FAM20C: variants seen among roughly 807,000 people sequenced by gnomAD.
FAM20C encodes the protein FAM20C golgi associated secretory pathway kinase, also known as extracellular serine/threonine protein kinase FAM20C.
FAM20C carries 40 observed loss-of-function variants against 51.5 expected under a neutral mutation model. The observed-to-expected ratio is 0.78, with a 90% CI of 0.60 to 1.01. The LOEUF (loss-of-function observed/expected upper bound fraction) is 1.01, where lower values mean the gene tolerates loss of function less well. Ranked by LOEUF, FAM20C falls within the 50% of genes least tolerant of loss-of-function variation. The probability of loss-of-function intolerance (pLI) is 0.00; values close to 1 mark genes in which losing one functional copy is unlikely to be tolerated. For missense variants in FAM20C, 861 were observed against 844.7 expected (o/e 1.02, Z -0.24); for synonymous variants, 406 against 380.6 (o/e 1.07, Z -0.78).
chr7:257,763 CAGGG>C (rs1788644738), intron 8 of FAM20C, among the ~76,000 whole-genome samples: 2 of 145,386 alleles, frequency 1.4e-5, no homozygotes, highest in Admixed American at 6.8e-5. Context: ...TGGAGATGGG[CAGGG>C]TGGACCCACT....
At chr7:234,633 G>C (rs1408257501) in intron 3 of FAM20C, among the ~76,000 whole-genome samples, 1 of 152,182 alleles carries the variant, frequency 6.6e-6, no homozygotes, top group Non-Finnish European at 1.5e-5. Context: ...GGCATCCCCG[G>C]GCCCTGTGTC....
intron 3 of FAM20C, among the ~76,000 whole-genome samples, chr7:231,846 C>A (rs1216612382): frequency 6.6e-6 from 1 of 152,098 alleles, no homozygotes; most frequent in Non-Finnish European, 1.5e-5. Context: ...GGTGTTTGAC[C>A]CACCCCTCTT....
rs1785610688 is a variant in FAM20C, at chr7:192,637, C to T, written c.-563C>T. 6.7e-6 allele frequency among the ~76,000 whole-genome samples: 1 copy of T among 150,038 alleles called. No homozygotes were observed. Among genetic ancestry groups the T allele is most frequent in the Non-Finnish European group, 1.5e-5 (1 of 67,120 alleles). Reference sequence around the variant, plus strand: ...TGCACCTGCCCGGGACCCCGCCGGCCGCTCCCCGCGCCCACCCCTTCCGCC... The same window carrying T: ...TGCACCTGCCCGGGACCCCGCCGGCTGCTCCCCGCGCCCACCCCTTCCGCC... On this transcript the variant is annotated 5_prime_UTR_variant, in exon 1 of 10. Transcript: ENST00000313766.
At chr7:258,992 C>T (rs147023663) in intron 9 of FAM20C, among the ~76,000 whole-genome samples, 9 of 152,374 alleles carry the variant, frequency 5.9e-5, no homozygotes, top group Admixed American at 1.3e-4. Flanking sequence ...CCAGGGCAGA[C>T]GCCAGCTGAG....
chr7:233,866 A>G (rs912560147), intron 3 of FAM20C, among the ~76,000 whole-genome samples: 9 of 152,204 alleles, frequency 5.9e-5, no homozygotes, highest in African/African-American at 1.9e-4. Flanking sequence ...ATGAATAACC[A>G]CAATTAGTAC....
Position 195,584 on chromosome 7 carries a change from C to A in FAM20C, c.636C>A (p.Phe212Leu). 1.3e-6 allele frequency: 2 copies of A among 1,595,656 alleles called. No homozygotes were observed. Among genetic ancestry groups the A allele is most frequent in the Middle Eastern group, 1.7e-4 (1 of 6,014 alleles). ...ATGCGGGTGCTGAAGGTGCAGAATT[C>A]CTCTCCCCCGGGGAGGCGGCCGTGG... is the stretch of plus-strand genomic sequence containing the variant. The part of the protein sequence containing the change: ...WPHAGAEGAE[F>L]LSPGEAAVDS... The change falls in exon 2 of 10, where the codon TTC (phenylalanine) becomes TTA (leucine). Residue 212 changes from phenylalanine to leucine, a missense_variant. Around this residue, in one of 3 missense-constraint regions of FAM20C, gnomAD observed 561 missense variants for 499.8 expected, o/e 1.12. Coordinates refer to ENST00000313766, the MANE Select transcript of FAM20C (RefSeq NM_020223.4).
chr7:196,945 C>A (rs921656275), intron 2 of FAM20C, among the ~76,000 whole-genome samples: 7 of 152,152 alleles, frequency 4.6e-5, no homozygotes, highest in African/African-American at 1.4e-4. Flanking sequence ...CCCCTGCCCC[C>A]CTCCAGGCCC....
At position 214,452 on chromosome 7, in the gene FAM20C, G is replaced by A. The variant is rs1017314121; in HGVS notation, c.863+5476G>A. The stretch of plus-strand genomic sequence containing the variant: ...CTTTTGTTATTCTCGTGCTTTTGGT[G>A]TAATTACGTTTGAATGCTGAAAGCA... On this transcript the variant is annotated intron_variant, in intron 3 of 9. Coordinates refer to ENST00000313766, the MANE Select transcript of FAM20C (RefSeq NM_020223.4). 2.0e-5 allele frequency among the ~76,000 whole-genome samples: 3 copies of A among 152,236 alleles called. No homozygotes were observed. The East Asian group carries it at 5.8e-4, about 29-fold the overall frequency.
chr7:254,649 C>T (rs745704073), intron 5 of FAM20C, among the ~76,000 whole-genome samples: 6 of 152,156 alleles, frequency 3.9e-5, no homozygotes, highest in Non-Finnish European at 7.3e-5. Context: ...CGTACAGTTC[C>T]GTGGTTTTTA....
At chr7:210,783 C>T (rs767947426) in intron 3 of FAM20C, among the ~76,000 whole-genome samples, 1 of 152,160 alleles carries the variant, frequency 6.6e-6, no homozygotes, top group Non-Finnish European at 1.5e-5. Flanking sequence ...AATCCTCAGG[C>T]CCCGTTTCTC....
rs189333712 is a variant in FAM20C, at chr7:254,000, C to T, written c.1073-1849C>T. ...TCTGTATCAGCACGAGACAGGATTG[C>T]AGCTGGTCTTTCCTTGATCGTTCGT... On this transcript the variant is annotated intron_variant, in intron 5 of 9. Transcript: ENST00000313766. 2.6e-3 allele frequency among the ~76,000 whole-genome samples: 391 copies of T among 152,336 alleles called. 2 individuals are homozygous for T. The highest frequency in any genetic ancestry group is 8.9e-3 in the African/African-American group (369 of 41,572).
At chr7:247,191 G>A (rs1370029754) in intron 4 of FAM20C, among the ~76,000 whole-genome samples, 3 of 152,166 alleles carry the variant, frequency 2.0e-5, no homozygotes, top group East Asian at 1.9e-4. Context: ...CAGAGGGGCC[G>A]CCCCAGCCCA....
intron 3 of FAM20C, among the ~76,000 whole-genome samples, chr7:209,889 G>A (rs919883402): frequency 1.3e-5 from 2 of 152,234 alleles, no homozygotes; most frequent in Non-Finnish European, 2.9e-5. Flanking sequence ...TTTGCAGCTG[G>A]GCTCGGTTTC....
chr7:205,964 A>G (rs1786359848), intron 2 of FAM20C, among the ~76,000 whole-genome samples: 1 of 151,686 alleles, frequency 6.6e-6, no homozygotes, highest in South Asian at 2.1e-4. Flanking sequence ...CACCAAACCT[A>G]CAAACCCATC....
Position 255,936 on chromosome 7 carries a change from C to T in FAM20C, c.1160C>T (p.Ser387Leu), listed in dbSNP as rs751682204. ...LCGKPDQIEG[S>L]LAAFLPDLSL... Reference sequence around the variant, plus strand: ...GGGAAGCCAGACCAGATCGAGGGCTCGCTGGCGGCCTTCCTGCCCGACCTG... The same window carrying T: ...GGGAAGCCAGACCAGATCGAGGGCTTGCTGGCGGCCTTCCTGCCCGACCTG... The change falls in exon 6 of 10, where the codon TCG becomes TTG. Residue 387 changes from serine (S) to leucine (L), a missense_variant. Physicochemically the swap from Ser to Leu is moderately radical, Grantham distance 145. Transcript: ENST00000313766. 1 of 1,536,278 alleles carries T rather than the reference C, an allele frequency of 6.5e-7. No homozygotes were observed. The highest frequency in any genetic ancestry group is 8.7e-7 in the Non-Finnish European group (1 of 1,146,838).
intron 8 of FAM20C, among the ~76,000 whole-genome samples, chr7:257,919 CACTGCCTGGGGTGCTGGAGA>C: frequency 7.4e-6 from 1 of 135,842 alleles, no homozygotes; most frequent in Admixed American, 7.2e-5. Context: ...TGGGTGGACA[CACTGCCTGGGGTGCTGGAGA>C]TGCCCGGGGT....
intron 3 of FAM20C, among the ~76,000 whole-genome samples, chr7:242,725 G>C (rs1041443315): frequency 6.6e-6 from 1 of 152,160 alleles, no homozygotes; most frequent in Non-Finnish European, 1.5e-5. Flanking sequence ...GTCACATTTC[G>C]AGTGTCCCAC....
chr7:252,951 C>CA (rs2115164175), intron 5 of FAM20C, among the ~76,000 whole-genome samples: 1 of 152,382 alleles, frequency 6.6e-6, no homozygotes, highest in African/African-American at 2.4e-5. Context: ...TGCATTTCTG[C>CA]AAGGTGAGCG....
Position 260,004 on chromosome 7 carries a change from C to G in FAM20C, c.*24C>G. Reference sequence around the variant, plus strand: ...AGTGTCCGCCGGCCGCTGCGCTGCCCGGGACGGAGACAGAGGCGCCGGACC... The same window carrying G: ...AGTGTCCGCCGGCCGCTGCGCTGCCGGGGACGGAGACAGAGGCGCCGGACC... On this transcript the variant is annotated 3_prime_UTR_variant, in exon 10 of 10. Coordinates refer to ENST00000313766, the MANE Select transcript of FAM20C (RefSeq NM_020223.4). 4 of 1,489,946 alleles carry G rather than the reference C, an allele frequency of 2.7e-6. No homozygotes were observed. The highest frequency in any genetic ancestry group is 3.6e-6 in the Non-Finnish European group (4 of 1,116,844). The allele number at this position is 1,489,946 out of a possible 1,614,324, so 92.3% of individuals were successfully genotyped here. A position where few individuals can be genotyped will look rare whatever the true frequency, so the allele number is the denominator to read the frequency against.
Sources: gnomAD v4.1 joint callset for allele counts (sites outside exome capture counted in the v4.1 genomes callset) on GRCh38, gnomAD v4.1.1 for gene constraint, gnomAD v4.1.1 regional missense constraint, MANE v1.5 for transcripts, NCBI Gene and HGNC (gene_info 2026-07-23, HGNC 2026-07-21) for gene names.